CFAP20DC: variants seen among roughly 807,000 people sequenced by gnomAD.
CFAP20DC encodes the protein protein CFAP20DC.
Under a neutral mutation model 101.7 loss-of-function variants are expected in CFAP20DC, and 84 were observed. The observed-to-expected ratio is 0.83, with a 90% CI of 0.69 to 0.99. The LOEUF (loss-of-function observed/expected upper bound fraction) is 0.99. Among genes scored for constraint, CFAP20DC ranks in the 50% least tolerant of loss-of-function variants. CFAP20DC has a pLI of 0.00. For synonymous variants in CFAP20DC, 359 were observed against 351.2 expected (o/e 1.02, Z -0.25); for missense variants, 1,007 against 970.3 (o/e 1.04, Z -0.50).
chr3:58,830,714 A>C (rs186242368), intron 14 of CFAP20DC, among the ~76,000 whole-genome samples: 85 of 152,284 alleles, frequency 5.6e-4, no homozygotes, highest in African/African-American at 1.8e-3. Context: ...TATAGCAAAA[A>C]CATATTTACT....
At chr3:58,794,402 A>G (rs2073084042) in intron 15 of CFAP20DC, 1 of 442,714 alleles carries the variant, frequency 2.3e-6, no homozygotes, top group African/African-American at 2.0e-5. Flanking sequence ...CAAATACACT[A>G]AAAGATGTTT....
At chr3:58,978,543 T>C (rs2092380365) in intron 4 of CFAP20DC, among the ~76,000 whole-genome samples, 1 of 151,970 alleles carries the variant, frequency 6.6e-6, no homozygotes, top group Non-Finnish European at 1.5e-5. Context: ...ACCCCATCTC[T>C]GCTAAAAATA....
At chr3:58,793,405 T>C (rs1575655332) in intron 15 of CFAP20DC, among the ~76,000 whole-genome samples, 2 of 152,208 alleles carry the variant, frequency 1.3e-5, no homozygotes, top group African/African-American at 2.4e-5. Context: ...TGGTTGTTTT[T>C]GTTTGCTTCC....
In CFAP20DC at chr3:58,866,570, T is replaced by C. The variant is rs149383008; in HGVS notation, c.1254A>G (p.Gln418=). 198 of 1,606,580 alleles carry C rather than the reference T, an allele frequency of 1.2e-4. 1 individual carries two copies. In the African/African-American group the frequency reaches 2.2e-3, roughly 18 times the overall value. The part of the protein sequence containing the change: ...SGTLGPQSPD[Q]SDEWIFPENA... ...TGGTGTAATAAAGATGCCAACCTGA[T>C]TGATCAGGAGACTGGGGTCCTAGAG... The change falls in exon 11 of 17, where the codon CAA becomes CAG. Residue 418 remains glutamine, a synonymous_variant. Coordinates refer to ENST00000482387, the MANE Select transcript of CFAP20DC (RefSeq NM_001394063.1).
At chr3:58,862,345 T>C (rs937992792) in intron 12 of CFAP20DC, 1 of 985,446 alleles carries the variant, frequency 1.0e-6, no homozygotes. Context: ...CAAATGTCCA[T>C]GTTTTTATAG....
chr3:58,904,183 TTTC>T (rs1213819250), intron 6 of CFAP20DC, among the ~76,000 whole-genome samples: 1 of 152,186 alleles, frequency 6.6e-6, no homozygotes, highest in African/African-American at 2.4e-5. Flanking sequence ...TTCAGTGTAC[TTTC>T]TTCTTCTTCA....
intron 4 of CFAP20DC, among the ~76,000 whole-genome samples, chr3:58,982,887 A>G (rs2092620422): frequency 6.6e-6 from 1 of 152,264 alleles, no homozygotes; most frequent in African/African-American, 2.4e-5. Flanking sequence ...TCTAGAATCA[A>G]TTCACACAGG....
intron 5 of CFAP20DC, among the ~76,000 whole-genome samples, chr3:58,925,507 T>C (rs2085857135): frequency 6.6e-6 from 1 of 152,242 alleles, no homozygotes; most frequent in South Asian, 2.1e-4. Context: ...CAGCAGGAAC[T>C]CGATCAATAT....
chr3:58,928,445 T>C (rs1419857598), intron 5 of CFAP20DC, among the ~76,000 whole-genome samples: 1 of 152,192 alleles, frequency 6.6e-6, no homozygotes, highest in African/African-American at 2.4e-5. Context: ...TATTAATTCA[T>C]GTAAATCCCC....
chr3:58,998,134 T>C (rs1431389767), intron 4 of CFAP20DC, among the ~76,000 whole-genome samples: 2 of 152,164 alleles, frequency 1.3e-5, no homozygotes, highest in Admixed American at 1.3e-4. Context: ...TACGGGCAAG[T>C]CCTTCAAGGT....
rs935784793 is a variant in CFAP20DC, at chr3:58,913,481, A to C, written c.550+227T>G. On this transcript the variant is annotated intron_variant, in intron 6 of 16. Coordinates refer to ENST00000482387, the MANE Select transcript of CFAP20DC (RefSeq NM_001394063.1). The surrounding 1 kb of genome is among the most constrained non-coding windows in gnomAD (Gnocchi z 4.4). Reference sequence around the variant, plus strand: ...AGATAGCAAGTGTTACCATAAAGAAAAAAGAAAACAACCACAAAAAGAAGA... The same window carrying C: ...AGATAGCAAGTGTTACCATAAAGAACAAAGAAAACAACCACAAAAAGAAGA... 1 of 606,068 alleles carries C rather than the reference A, an allele frequency of 1.6e-6. No homozygotes were observed. Among genetic ancestry groups the C allele is most frequent in the Non-Finnish European group, 2.9e-6 (1 of 344,144 alleles). 37.5% of individuals were successfully genotyped at this position (606,068 alleles called of 1,614,324 possible).
In CFAP20DC at chr3:58,944,510, G is replaced by A. The variant is rs534902246; in HGVS notation, c.279-6748C>T. On this transcript the variant is annotated intron_variant, in intron 4 of 16. Transcript: ENST00000482387. ...CATTTCTGTCATGCAACACTATGCC[G>A]ACTACTATTCCAGGCTGAAGCAGTT... Among the ~76,000 whole-genome samples the A allele has an allele frequency of 7.2e-5, 11 of 152,182 alleles. No individual in the cohort carries two copies. In the East Asian group the frequency reaches 9.6e-4, roughly 13 times the overall value.
At chr3:58,789,647 G>A (rs1038513701) in intron 15 of CFAP20DC, among the ~76,000 whole-genome samples, 2 of 152,138 alleles carry the variant, frequency 1.3e-5, no homozygotes, top group African/African-American at 4.8e-5. Flanking sequence ...TTTTCAGGGT[G>A]TGTTAATTGT....
At chr3:58,997,440 T>C (rs2093170629) in intron 4 of CFAP20DC, among the ~76,000 whole-genome samples, 1 of 152,196 alleles carries the variant, frequency 6.6e-6, no homozygotes, top group South Asian at 2.1e-4. Context: ...GAAAACAATG[T>C]CGCCATTTAA....
In CFAP20DC at chr3:58,874,949, G is replaced by C. The variant is rs377475696; in HGVS notation, c.716-4640C>G. Among the ~76,000 whole-genome samples, 3 of 152,294 alleles carry C rather than the reference G, an allele frequency of 2.0e-5. No individual in the cohort carries two copies. The highest frequency in any genetic ancestry group is 7.2e-5 in the African/African-American group (3 of 41,550). ...TTCATTAAATGAAATGAGTCAGAAG[G>C]GAAGTTGGATTAAATGACTCAAAAA... On this transcript the variant is annotated intron_variant, in intron 7 of 16. Coordinates refer to ENST00000482387, the MANE Select transcript of CFAP20DC (RefSeq NM_001394063.1). This position sits in a 1 kb window ranked among gnomAD's most constrained non-coding sequence, Gnocchi z 5.1.
At chr3:58,801,563 A>C (rs2073705419) in intron 15 of CFAP20DC, among the ~76,000 whole-genome samples, 1 of 152,084 alleles carries the variant, frequency 6.6e-6, no homozygotes, top group African/African-American at 2.4e-5. Flanking sequence ...TGTGATGGGA[A>C]ACTAAAAAGC....
At chr3:58,957,447 T>G (rs978390542) in intron 4 of CFAP20DC, among the ~76,000 whole-genome samples, 5 of 152,104 alleles carry the variant, frequency 3.3e-5, no homozygotes, top group Non-Finnish European at 7.4e-5. Flanking sequence ...GTTTTGAGGT[T>G]CCTCAAAAAA....
At position 58,863,227 on chromosome 3, in the gene CFAP20DC, T is replaced by C. The variant is rs2079396687; in HGVS notation, c.1593+331A>G. On this transcript the variant is annotated intron_variant, in intron 12 of 16. Transcript: ENST00000482387. The surrounding 1 kb of genome is among the most constrained non-coding windows in gnomAD (Gnocchi z 5.9). ...TCTCCAGAGATCTAGAACAGTATAT[T>C]CTCAGTGTTTTACTGGTCTTGCTAT... 1 of 1,322,104 alleles carries C rather than the reference T, an allele frequency of 7.6e-7. No homozygotes were observed. The highest frequency in any genetic ancestry group is 1.5e-5 in the African/African-American group (1 of 66,996). 81.9% of individuals were successfully genotyped at this position (1,322,104 alleles called of 1,614,324 possible).
intron 15 of CFAP20DC, among the ~76,000 whole-genome samples, chr3:58,784,618 T>C (rs1299577936): frequency 6.6e-6 from 1 of 152,102 alleles, no homozygotes; most frequent in Non-Finnish European, 1.5e-5. Context: ...AATAGTGCTG[T>C]GATGAACATG....
Sources: gnomAD v4.1 joint callset for allele counts (sites outside exome capture counted in the v4.1 genomes callset) on GRCh38, gnomAD v4.1.1 for gene constraint, Gnocchi (gnomAD v3.1) non-coding constraint, MANE v1.5 for transcripts, NCBI Gene and HGNC (gene_info 2026-07-23, HGNC 2026-07-21) for gene names.